Variants in PTPRO observed in about 807,000 individuals in gnomAD.
PTPRO encodes the protein protein tyrosine phosphatase receptor type O.
PTPRO carries 62 observed loss-of-function variants against 145.2 expected under a neutral mutation model. That is an observed-to-expected ratio of 0.43 (90% CI 0.35 to 0.53). The LOEUF is 0.53. Ranked by LOEUF, PTPRO falls within the 20% of genes least tolerant of loss-of-function variation. PTPRO has a pLI of 0.01. For missense variants in PTPRO, 1,345 were observed against 1,482.7 expected (o/e 0.91, Z 1.53); for synonymous variants, 565 against 514.7 (o/e 1.10, Z -1.32).
chr12:15,484,861 A>G (rs1941853780), intron 2 of PTPRO, among the ~76,000 whole-genome samples: 1 of 152,146 alleles, frequency 6.6e-6, no homozygotes, highest in African/African-American at 2.4e-5. Flanking sequence ...GAATACTTTT[A>G]ACTCCATGTG....
intron 1 of PTPRO, among the ~76,000 whole-genome samples, chr12:15,421,939 T>C (rs1399213360): frequency 1.3e-5 from 2 of 152,106 alleles, no homozygotes; most frequent in Admixed American, 6.5e-5. Flanking sequence ...CTTAGAACAA[T>C]ACCTGATACA....
chr12:15,481,367 A>G (rs1029690055), intron 1 of PTPRO, among the ~76,000 whole-genome samples: 1 of 152,220 alleles, frequency 6.6e-6, no homozygotes, highest in African/African-American at 2.4e-5. Flanking sequence ...TTTTCAAAAC[A>G]TGTAATTTCA....
At chr12:15,364,479 C>A (rs1300578373) in intron 1 of PTPRO, among the ~76,000 whole-genome samples, 1 of 152,120 alleles carries the variant, frequency 6.6e-6, no homozygotes, top group Non-Finnish European at 1.5e-5. Flanking sequence ...CCTCATTTAT[C>A]AACTTTCTGT....
chr12:15,482,471 G>T (rs189784094), intron 1 of PTPRO, among the ~76,000 whole-genome samples: 4 of 151,916 alleles, frequency 2.6e-5, no homozygotes, highest in African/African-American at 9.7e-5. Context: ...TACTATAGGG[G>T]GACTATATTG....
At chr12:15,569,986 C>G (rs1000336844) in intron 19 of PTPRO, among the ~76,000 whole-genome samples, 10 of 152,166 alleles carry the variant, frequency 6.6e-5, no homozygotes, top group Non-Finnish European at 1.2e-4. Flanking sequence ...TACTTAATAA[C>G]TTTTGTGCAG....
At chr12:15,513,210 AAAG>A (rs1942501637) in intron 7 of PTPRO, among the ~76,000 whole-genome samples, 1 of 107,528 alleles carries the variant, frequency 9.3e-6, no homozygotes, top group Non-Finnish European at 1.9e-5. Flanking sequence ...AGAAAGAAAG[AAAG>A]AAAGAAAGAA....
chr12:15,593,341 G>T (rs1368683915), intron 25 of PTPRO, among the ~76,000 whole-genome samples: 2 of 152,158 alleles, frequency 1.3e-5, no homozygotes, highest in African/African-American at 4.8e-5. Context: ...TCATTTAAAT[G>T]TTATTTCTAG....
At chr12:15,503,633 T>C (rs543139129) in intron 5 of PTPRO, among the ~76,000 whole-genome samples, 58 of 152,296 alleles carry the variant, frequency 3.8e-4, no homozygotes, top group Admixed American at 9.8e-4. Context: ...ATAATTTTGT[T>C]GGGTAGGAGT....
At chr12:15,394,098 T>C (rs1183212950) in intron 1 of PTPRO, among the ~76,000 whole-genome samples, 3 of 152,180 alleles carry the variant, frequency 2.0e-5, no homozygotes, top group Non-Finnish European at 4.4e-5. Flanking sequence ...AGAGCCCTGA[T>C]GACCCAATCA....
chr12:15,515,881 G>T (rs562776533), intron 8 of PTPRO, among the ~76,000 whole-genome samples: 75 of 151,364 alleles, frequency 5.0e-4, no homozygotes, highest in African/African-American at 1.6e-3. Flanking sequence ...GCTGTGTGCC[G>T]TGGCACACAC....
At chr12:15,352,975 A>G (rs544338065) in intron 1 of PTPRO, among the ~76,000 whole-genome samples, 1 of 152,314 alleles carries the variant, frequency 6.6e-6, no homozygotes, top group South Asian at 2.1e-4. Context: ...TCCGGAAAAT[A>G]TGTCTTAGGA....
At chr12:15,566,114 T>C (rs965549630) in intron 18 of PTPRO, among the ~76,000 whole-genome samples, 1 of 152,232 alleles carries the variant, frequency 6.6e-6, no homozygotes, top group African/African-American at 2.4e-5. Flanking sequence ...CCTGTGGTTT[T>C]CCTTATCTAT....
intron 24 of PTPRO, among the ~76,000 whole-genome samples, chr12:15,588,737 C>T (rs1410046972): frequency 6.6e-6 from 1 of 152,178 alleles, no homozygotes; most frequent in Non-Finnish European, 1.5e-5. Context: ...GAGTTTTGAG[C>T]TGATCTGAGG....
intron 1 of PTPRO, among the ~76,000 whole-genome samples, chr12:15,353,882 G>A (rs557482157): frequency 7.2e-5 from 11 of 152,160 alleles, no homozygotes; most frequent in South Asian, 2.1e-4. Context: ...TTTCATCTCC[G>A]GTTACAATTC....
intron 2 of PTPRO, among the ~76,000 whole-genome samples, chr12:15,490,510 T>C (rs1941978626): frequency 1.3e-5 from 2 of 152,192 alleles, no homozygotes; most frequent in Admixed American, 6.5e-5. Flanking sequence ...TATTCTTTTG[T>C]TTAGGCACAA....
Position 15,503,888 on chromosome 12 carries a change from C to CT in PTPRO, c.1106-14dup. ...CCAGGTGTCTATTCATGTATCTTCT[C>CT]TTTTTTATATATGATTTAGAGAACT... On this transcript the variant is annotated intron_variant, in intron 5 of 26. Coordinates refer to ENST00000281171, the MANE Select transcript of PTPRO (RefSeq NM_030667.3). 1 of 1,545,710 alleles carries CT rather than the reference C, an allele frequency of 6.5e-7. No individual in the cohort carries two copies. The highest frequency in any genetic ancestry group is 8.9e-7 in the Non-Finnish European group (1 of 1,119,876).
chr12:15,597,750 A>G lies in PTPRO; in HGVS notation c.*1677A>G, dbSNP rs1480797075. On this transcript the variant is annotated 3_prime_UTR_variant, in exon 27 of 27. Transcript: ENST00000281171. ...GGCTCCTCAGGGGTTGTCAGTTCCT[A>G]CTCACCTCCCTGCTACCACCTCCTC... Among the ~76,000 whole-genome samples, 1 of 151,828 alleles carries G rather than the reference A, an allele frequency of 6.6e-6. No individual in the cohort carries two copies. The highest frequency in any genetic ancestry group is 1.5e-5 in the Non-Finnish European group (1 of 67,950).
In PTPRO at chr12:15,356,919, G is replaced by A. The variant is rs117693143; in HGVS notation, c.75+34118G>A. The stretch of plus-strand genomic sequence containing the variant: ...GTGGTATTGGCTAGGGAGGCTTAAG[G>A]GGTCACGGTCAATGCTGTAGATAAT... On this transcript the variant is annotated intron_variant, in intron 1 of 26. Coordinates refer to ENST00000281171, the MANE Select transcript of PTPRO (RefSeq NM_030667.3). Among the ~76,000 whole-genome samples the A allele has an allele frequency of 9.6e-3, 1,458 of 152,158 alleles. 13 individuals carry two copies. The highest frequency in any genetic ancestry group is 0.015 in the Non-Finnish European group (1,037 of 68,010).
chr12:15,548,502 T>A (rs1183512940), intron 13 of PTPRO, among the ~76,000 whole-genome samples: 1 of 150,938 alleles, frequency 6.6e-6, no homozygotes, highest in Non-Finnish European at 1.5e-5. Flanking sequence ...CATGCATATA[T>A]TGTGTGTATA....
Sources: gnomAD v4.1 joint callset for allele counts (sites outside exome capture counted in the v4.1 genomes callset) on GRCh38, gnomAD v4.1.1 for gene constraint, MANE v1.5 for transcripts, NCBI Gene and HGNC (gene_info 2026-07-23, HGNC 2026-07-21) for gene names.